The following AZIN1 variants were observed in gnomAD, a reference collection of about 807,000 sequenced individuals.
AZIN1 encodes antizyme inhibitor 1.
AZIN1 carries 12 observed loss-of-function variants against 47.4 expected under a neutral mutation model. That is an observed-to-expected ratio of 0.25 (90% CI 0.16 to 0.41). The LOEUF (loss-of-function observed/expected upper bound fraction) is 0.41, where lower values mean the gene tolerates loss of function less well. Ranked by LOEUF, AZIN1 falls within the 10% of genes least tolerant of loss-of-function variation. The pLI is 1.00. For missense variants in AZIN1, 410 were observed against 532.4 expected (o/e 0.77, Z 2.26); for synonymous variants, 155 against 176.3 (o/e 0.88, Z 0.96).
In AZIN1 at chr8:102,829,506, AT is replaced by A; in HGVS notation, c.1021-21del. ...GTATTTCTGTAGGAAAAGTTTTACA[AT>A]TTAATTTTTACTCATACTTACGCAG... On this transcript the variant is annotated intron_variant, in intron 10 of 11. Coordinates refer to ENST00000337198, the MANE Select transcript of AZIN1 (RefSeq NM_148174.4). 5 of 1,584,956 alleles carry A rather than the reference AT, an allele frequency of 3.2e-6. No homozygotes were observed. The highest frequency in any genetic ancestry group is 4.3e-6 in the Non-Finnish European group (5 of 1,163,852).
chr8:102,832,177 A>G (rs1811503626), intron 9 of AZIN1, among the ~76,000 whole-genome samples: 1 of 152,168 alleles, frequency 6.6e-6, no homozygotes, highest in East Asian at 1.9e-4. Flanking sequence ...GAGCTGAGAA[A>G]CTTTATCTAG....
In AZIN1 at chr8:102,829,637, G is replaced by A; in HGVS notation, c.1021-151C>T. ...GCAGGGTGCTACTTAAGCCTCGATG[G>A]TACCATTAACTCCACGTAAAGGCAA... On this transcript the variant is annotated intron_variant, in intron 10 of 11. Coordinates refer to ENST00000337198, the MANE Select transcript of AZIN1 (RefSeq NM_148174.4). 3 of 826,996 alleles carry A rather than the reference G, an allele frequency of 3.6e-6. No individual in the cohort carries two copies. The South Asian group carries it at 5.1e-5, about 14-fold the overall frequency. 51.2% of individuals were successfully genotyped at this position (826,996 alleles called of 1,614,324 possible). A position where few individuals can be genotyped will look rare whatever the true frequency, so the allele number is the denominator to read the frequency against.
Position 102,834,737 on chromosome 8 carries a change from A to T in AZIN1, c.595T>A (p.Ser199Thr). The T allele has an allele frequency of 6.2e-7, 1 of 1,610,646 alleles. No homozygotes were observed. Among genetic ancestry groups the T allele is most frequent in the East Asian group, 2.2e-5 (1 of 44,768 alleles). ...VQIIGVKFHV[S>T]SACKESQVYV... ...ACTTGAGATTCTTTGCAAGCACTCG[A>T]AACATGAAATCTGAAACACATAGAA... The change falls in exon 7 of 12, where the codon TCG becomes ACG. Residue 199 changes from serine (S) to threonine (T), a missense_variant. Coordinates refer to ENST00000337198, the MANE Select transcript of AZIN1 (RefSeq NM_148174.4).
chr8:102,828,790 A>G (rs892870005), intron 11 of AZIN1, 112 bp from the exon 12 acceptor site: 5 of 657,026 alleles, frequency 7.6e-6, no homozygotes, highest in African/African-American at 1.8e-5. Flanking sequence ...AAACCTTTAA[A>G]AGATCATCAT....
At chr8:102,829,200 A>G (rs368250104) in intron 11 of AZIN1, 72 bp downstream of exon 11, 2 of 1,304,756 alleles carry the variant, frequency 1.5e-6, no homozygotes, top group East Asian at 4.6e-5. Flanking sequence ...TTCATTACAG[A>G]ATTAAAACTT....
rs1337752293 is a variant in AZIN1 at position 102,843,645 on chromosome 8, C to G, written c.8G>C (p.Gly3Ala). The change falls in exon 3 of 12, where the codon GGA (glycine) becomes GCA (alanine). Residue 3 changes from glycine (G) to alanine (A), a missense_variant. Around this residue, in one of 3 missense-constraint regions of AZIN1, gnomAD observed 237 missense variants for 309.4 expected, o/e 0.77. Transcript: ENST00000337198. MKGFIDDANYSVG... is the reference protein window; with the variant it reads MKAFIDDANYSVG... ...GGAGTAGTTTGCATCATCAATAAAT[C>G]CTTTCATCTCAGCCGTATTCCACAA... The G allele has an allele frequency of 6.2e-7, 1 of 1,613,828 alleles. No homozygotes were observed. The highest frequency in any genetic ancestry group is 1.3e-5 in the African/African-American group (1 of 74,912).
chr8:102,837,721 T>C (rs1288691437), intron 5 of AZIN1, among the ~76,000 whole-genome samples: 1 of 152,216 alleles, frequency 6.6e-6, no homozygotes, highest in East Asian at 1.9e-4. Context: ...TAATCAATGC[T>C]GTCAGGATAT....
chr8:102,834,782 G>A, intron 6 of AZIN1, 35 bp from the exon 7 acceptor site: 2 of 1,444,148 alleles, frequency 1.4e-6, no homozygotes, highest in South Asian at 1.2e-5. Context: ...TAAAGGAGCA[G>A]AAAGTTGTAG....
chr8:102,829,270 A>T lies in AZIN1; in HGVS notation c.1235+2T>A. The T allele has an allele frequency of 6.2e-7, 1 of 1,610,092 alleles. No homozygotes were observed. The highest frequency in any genetic ancestry group is 8.5e-7 in the Non-Finnish European group (1 of 1,177,418). On this transcript the variant is annotated splice_donor_variant, in intron 11 of 11. Coordinates refer to ENST00000337198, the MANE Select transcript of AZIN1 (RefSeq NM_148174.4). LOFTEE classifies it high-confidence loss of function. The stretch of plus-strand genomic sequence containing the variant: ...ATCTGCCTTAAAATAAAATCACCTT[A>T]CCAATCACTGAATGACATCATGTAA...
intron 6 of AZIN1, 66 bp downstream of exon 6, chr8:102,836,190 T>C (rs878864792): frequency 4.0e-6 from 6 of 1,490,490 alleles, no homozygotes; most frequent in African/African-American, 1.4e-5. Context: ...CTTAAATCAA[T>C]AACCAGAAAG....
intron 1 of AZIN1, among the ~76,000 whole-genome samples, chr8:102,863,427 C>T (rs1273362231): frequency 2.0e-5 from 3 of 151,100 alleles, no homozygotes; most frequent in Non-Finnish European, 4.4e-5. Context: ...CGGCCGGGCC[C>T]CCTCCCCGGA....
At chr8:102,840,354 T>G (rs1812100231) in intron 3 of AZIN1, among the ~76,000 whole-genome samples, 1 of 152,202 alleles carries the variant, frequency 6.6e-6, no homozygotes, top group Non-Finnish European at 1.5e-5. Context: ...TTTATTACTT[T>G]TTCAAGAGTT....
intron 2 of AZIN1, among the ~76,000 whole-genome samples, chr8:102,847,484 C>A (rs564451875): frequency 1.3e-5 from 2 of 151,890 alleles, no homozygotes; most frequent in South Asian, 4.2e-4. Context: ...AAAGACTTCA[C>A]AACAAACAGT....
chr8:102,850,576 C>T (rs186670920), intron 2 of AZIN1, among the ~76,000 whole-genome samples: 22 of 152,238 alleles, frequency 1.4e-4, no homozygotes, highest in Admixed American at 1.2e-3. Context: ...TATACTGAAA[C>T]TGGTAGGAAA....
At chr8:102,855,667 C>T (rs1813237234) in intron 2 of AZIN1, 1 of 152,188 alleles carries the variant, frequency 6.6e-6, no homozygotes, top group South Asian at 2.1e-4. Context: ...TAGCTACATG[C>T]TTTGCAATGC....
At position 102,839,704 on chromosome 8, in the gene AZIN1, T is replaced by C; in HGVS notation, c.222A>G (p.Pro74=). 5.0e-6 allele frequency: 8 copies of C among 1,603,994 alleles called. No homozygotes were observed. Among genetic ancestry groups the C allele is most frequent in the South Asian group, 2.3e-5 (2 of 88,790 alleles). ...GAGCTGCCAAAATCTCAAGTACAGC[T>C]GGAGCAGAGTTGCACTTCACTGTGT... ...PFYTVKCNSA[P]AVLEILAALG... Residue 74 remains proline, a synonymous_variant, in exon 4 of 12, where the codon CCA becomes CCG. Transcript: ENST00000337198.
At chr8:102,855,611 C>T (rs1421275072) in intron 2 of AZIN1, 1 of 152,210 alleles carries the variant, frequency 6.6e-6, no homozygotes, top group Non-Finnish European at 1.5e-5. Flanking sequence ...GGATCTCAGA[C>T]TACCTGCACG....
intron 1 of AZIN1, chr8:102,859,284 C>A (rs1243443812): frequency 6.6e-6 from 1 of 152,156 alleles, no homozygotes; most frequent in Non-Finnish European, 1.5e-5. Context: ...ACGTAATTTT[C>A]TAAATAAATA....
chr8:102,858,777 C>T (rs1490012182), intron 1 of AZIN1, among the ~76,000 whole-genome samples: 1 of 152,186 alleles, frequency 6.6e-6, no homozygotes, highest in Non-Finnish European at 1.5e-5. Flanking sequence ...GATTTATCTT[C>T]TCATATCTAA....
Sources: gnomAD v4.1 joint callset for allele counts (sites outside exome capture counted in the v4.1 genomes callset) on GRCh38, gnomAD v4.1.1 for gene constraint, gnomAD v4.1.1 regional missense constraint, MANE v1.5 for transcripts, NCBI Gene and HGNC (gene_info 2026-07-23, HGNC 2026-07-21) for gene names.